The following SPATA4 variants were observed in gnomAD, a reference collection of about 807,000 sequenced individuals.
SPATA4 encodes the protein spermatogenesis-associated protein 4.
SPATA4 carries 35 observed loss-of-function variants against 31.8 expected under a neutral mutation model. That is an observed-to-expected ratio of 1.10 (90% CI 0.84 to 1.46). The LOEUF is 1.46. Among genes scored for constraint, SPATA4 ranks in the 40% most tolerant of loss-of-function variants. The pLI, the probability that SPATA4 is intolerant of heterozygous loss-of-function variation, is 0.00. For synonymous variants in SPATA4, 126 were observed against 132.4 expected (o/e 0.95, Z 0.33); for missense variants, 394 against 363.1 (o/e 1.09, Z -0.69).
chr4:176,191,206 C>T (rs539852675), intron 4 of SPATA4, among the ~76,000 whole-genome samples: 244 of 151,614 alleles, frequency 1.6e-3, no homozygotes, highest in African/African-American at 5.6e-3. Flanking sequence ...AGCCATTCTC[C>T]TGCTTCAGCC....
chr4:176,185,894 C>A (rs185687722), intron 5 of SPATA4, among the ~76,000 whole-genome samples: 22 of 152,286 alleles, frequency 1.4e-4, no homozygotes, highest in African/African-American at 5.1e-4. Context: ...ATAAACCCAT[C>A]TCTTTTTCCA....
chr4:176,193,507 A>G lies in SPATA4; in HGVS notation c.294T>C (p.Phe98=). The change falls in exon 2 of 6, where the codon TTT becomes TTC. Residue 98 remains phenylalanine (F), a synonymous_variant. Coordinates refer to ENST00000280191, the MANE Select transcript of SPATA4 (RefSeq NM_144644.4). ...TGACTTTTAAAGAGGTCCCGTTTTC[A>G]AAGGATGATAATTCAAGTTCCCAGG... ...YYPWELELSS[F]ENGTSLKVKL... The G allele has an allele frequency of 6.2e-7, 1 of 1,613,878 alleles. No homozygotes were observed. The highest frequency in any genetic ancestry group is 8.5e-7 in the Non-Finnish European group (1 of 1,179,946).
At chr4:176,189,150 A>G (rs901930303) in intron 4 of SPATA4, among the ~76,000 whole-genome samples, 2 of 152,234 alleles carry the variant, frequency 1.3e-5, no homozygotes, top group African/African-American at 4.8e-5. Flanking sequence ...AGAAAAGTCA[A>G]TGATGCCTGA....
intron 5 of SPATA4, among the ~76,000 whole-genome samples, chr4:176,186,154 T>C (rs1052815928): frequency 6.6e-5 from 10 of 152,248 alleles, no homozygotes; most frequent in Non-Finnish European, 1.3e-4. Flanking sequence ...AAATACTCTT[T>C]AGCAATTCAA....
In SPATA4 at chr4:176,189,501, TAAC is replaced by T. The variant is rs553844799; in HGVS notation, c.689-1269_689-1267del. On this transcript the variant is annotated intron_variant, in intron 4 of 5. Coordinates refer to ENST00000280191, the MANE Select transcript of SPATA4 (RefSeq NM_144644.4). ...ATAGTATGTTAGATATGAATACATATAACAACGGGCAGTATTAATAAATTCATA... is the reference window on the plus strand; with the variant it reads ...ATAGTATGTTAGATATGAATACATATAACGGGCAGTATTAATAAATTCATA... Among the ~76,000 whole-genome samples, 673 of 150,606 alleles carry T rather than the reference TAAC, an allele frequency of 4.5e-3. 3 individuals are homozygous for T. The highest frequency in any genetic ancestry group is 0.015 in the African/African-American group (618 of 41,178).
At chr4:176,188,301 C>A in intron 4 of SPATA4, 66 bp from the exon 5 acceptor site, 4 of 1,019,958 alleles carry the variant, frequency 3.9e-6, no homozygotes, top group Non-Finnish European at 5.9e-6. Context: ...AAATAAGATG[C>A]CATAATTTAA....
intron 4 of SPATA4, among the ~76,000 whole-genome samples, chr4:176,189,828 G>T (rs1388695192): frequency 6.6e-6 from 1 of 152,152 alleles, no homozygotes; most frequent in East Asian, 1.9e-4. Flanking sequence ...ACAAGCCGCA[G>T]ACAAAACCCC....
rs754552204 is a variant in SPATA4 at position 176,192,989 on chromosome 4, C to T, written c.436G>A (p.Glu146Lys). The change falls in exon 3 of 6, where the codon GAA (glutamate) becomes AAA (lysine). Residue 146 changes from glutamate to lysine, a missense_variant. Glu to Lys is a moderately conservative substitution (Grantham distance 56, BLOSUM62 1). Coordinates refer to ENST00000280191, the MANE Select transcript of SPATA4 (RefSeq NM_144644.4). ...CKAGVPEILI[E>K]EVYTLLTHRE... ...TGTGTTAATAAAGTGTAAACCTCTTCTATCAATATTTCAGGCACTCCAGCT... is the reference window on the plus strand; with the variant it reads ...TGTGTTAATAAAGTGTAAACCTCTTTTATCAATATTTCAGGCACTCCAGCT... 3 of 1,609,410 alleles carry T rather than the reference C, an allele frequency of 1.9e-6. No individual in the cohort carries two copies. In the East Asian group the frequency reaches 6.7e-5, roughly 36 times the overall value.
chr4:176,192,784 G>A lies in SPATA4; in HGVS notation c.531C>T (p.Pro177=), dbSNP rs1752553136. Residue 177 remains proline (P), a synonymous_variant, in exon 4 of 6, where the codon CCC becomes CCT. Coordinates refer to ENST00000280191, the MANE Select transcript of SPATA4 (RefSeq NM_144644.4). The part of the protein sequence containing the change: ...FTDYSYQMRL[P]LVSRSTVSKS... The stretch of plus-strand genomic sequence containing the variant: ...TCGAAACTGTAGACCTGGAAACCAG[G>A]GGTAAACGCATCTGGTAGCTATAGT... The A allele has an allele frequency of 6.2e-7, 1 of 1,614,072 alleles. No individual in the cohort carries two copies. The highest frequency in any genetic ancestry group is 8.5e-7 in the Non-Finnish European group (1 of 1,179,974).
At chr4:176,195,282 G>C in intron 1 of SPATA4, 63 bp downstream of exon 1, 1 of 1,555,416 alleles carries the variant, frequency 6.4e-7, no homozygotes, top group Non-Finnish European at 8.9e-7. Context: ...CTGAGGCCTG[G>C]CAGGCGGCGG....
Position 176,192,890 on chromosome 4 carries a change from G to A in SPATA4, c.468-43C>T, listed in dbSNP as rs373440203. On this transcript the variant is annotated intron_variant, in intron 3 of 5. Transcript: ENST00000280191. ...AATACTGTTGACAAGCAACATTTTA[G>A]CAATGAGTTTTATATTATCAAAAGT... 9 of 1,593,312 alleles carry A rather than the reference G, an allele frequency of 5.6e-6. No homozygotes were observed. In the African/African-American group the frequency reaches 8.1e-5, roughly 14 times the overall value.
chr4:176,189,824 C>T (rs554707918), intron 4 of SPATA4, among the ~76,000 whole-genome samples: 5 of 152,202 alleles, frequency 3.3e-5, no homozygotes, highest in Admixed American at 6.5e-5. Context: ...CAGGACAAGC[C>T]GCAGACAAAA....
At chr4:176,194,720 GTATTTTTTTTTTTTTTTT>G (rs1752586480) in intron 1 of SPATA4, 1 of 124,564 alleles carries the variant, frequency 8.0e-6, no homozygotes, top group Non-Finnish European at 1.7e-5. Flanking sequence ...ATCCTTACCA[GTATTTTTTTTTTTTTTTT>G]TTTTTTTTTT....
rs760624898 is a variant in SPATA4 at position 176,195,518 on chromosome 4, C to A, written c.45G>T (p.Ala15=). Residue 15 remains alanine, a synonymous_variant, in exon 1 of 6, where the codon GCG becomes GCT. Coordinates refer to ENST00000280191, the MANE Select transcript of SPATA4 (RefSeq NM_144644.4). ...GTGACGGTGACTTGTCTAGGGCTGC[C>A]GCAGTCTGTGTCAAATACCCTTTTT... ...GQEKGYLTQT[A]AALDKSPSLS... is the part of the protein sequence containing the mutation. 8 of 1,614,104 alleles carry A rather than the reference C, an allele frequency of 5.0e-6. No homozygotes were observed. The East Asian group carries it at 1.8e-4, about 36-fold the overall frequency.
intron 5 of SPATA4, among the ~76,000 whole-genome samples, chr4:176,187,231 T>C (rs542845816): frequency 2.6e-5 from 4 of 152,170 alleles, no homozygotes; most frequent in Admixed American, 6.5e-5. Context: ...AAGCAAGGCA[T>C]AAAATGAGCA....
At chr4:176,190,565 C>A (rs1290636875) in intron 4 of SPATA4, among the ~76,000 whole-genome samples, 1 of 152,192 alleles carries the variant, frequency 6.6e-6, no homozygotes, top group East Asian at 1.9e-4. Flanking sequence ...AATCTTCTCC[C>A]AGGCTCACTC....
intron 5 of SPATA4, among the ~76,000 whole-genome samples, 185 bp from the exon 6 acceptor site, chr4:176,185,077 A>C (rs1452848997): frequency 6.6e-6 from 1 of 152,216 alleles, no homozygotes; most frequent in Non-Finnish European, 1.5e-5. Context: ...GGATTAAAAA[A>C]AGTCTGAATG....
Position 176,184,880 on chromosome 4 carries a change from C to G in SPATA4, c.818G>C (p.Ser273Thr). ...RVVPVLPNIG[S>T]GGSSHREIHV... ...TATTTCTCTATGTGAACTGCCACCA[C>G]TACCTATATTTGCTGGGACATTTAA... is the stretch of plus-strand genomic sequence containing the variant. The change falls in exon 6 of 6, where the codon AGT becomes ACT. Residue 273 changes from serine (S) to threonine (T), a missense_variant. Ser to Thr is a moderately conservative substitution (Grantham distance 58, BLOSUM62 1). Coordinates refer to ENST00000280191, the MANE Select transcript of SPATA4 (RefSeq NM_144644.4). 6.3e-7 allele frequency: 1 copy of G among 1,587,400 alleles called. No homozygotes were observed. Among genetic ancestry groups the G allele is most frequent in the Non-Finnish European group, 8.6e-7 (1 of 1,166,546 alleles).
In SPATA4 at chr4:176,192,765, C is replaced by G. The variant is rs779219655; in HGVS notation, c.550G>C (p.Val184Leu). 1 of 1,614,114 alleles carries G rather than the reference C, an allele frequency of 6.2e-7. No homozygotes were observed. Among genetic ancestry groups the G allele is most frequent in the East Asian group, 2.2e-5 (1 of 44,870 alleles). Reference sequence around the variant, plus strand: ...ATGTTATCTTTAATAGACTTCGAAACTGTAGACCTGGAAACCAGGGGTAAA... The same window carrying G: ...ATGTTATCTTTAATAGACTTCGAAAGTGTAGACCTGGAAACCAGGGGTAAA... ...MRLPLVSRST[V>L]SKSIKDNIRL... Residue 184 changes from valine (V) to leucine (L), a missense_variant, in exon 4 of 6, where the codon GTT becomes CTT. By Grantham distance (32) the Val-to-Leu change is conservative. Coordinates refer to ENST00000280191, the MANE Select transcript of SPATA4 (RefSeq NM_144644.4).
Sources: allele counts gnomAD v4.1 joint callset (sites outside exome capture counted in the v4.1 genomes callset), GRCh38; gene constraint gnomAD v4.1.1; transcripts MANE v1.5; gene names NCBI Gene and HGNC (gene_info 2026-07-23, HGNC 2026-07-21).